ZNF655: variants seen among roughly 807,000 people sequenced by gnomAD.
ZNF655 encodes the protein Vav-interacting Kruppel-like protein 1.
Under a neutral mutation model 6.6 loss-of-function variants are expected in ZNF655, and 3 were observed. The observed-to-expected ratio is 0.46, with a 90% CI of 0.21 to 1.18. ZNF655 has a LOEUF of 1.18. ZNF655 is among the 50% of genes most tolerant of loss of function. The probability of loss-of-function intolerance (pLI) is 0.24; values close to 1 mark genes in which losing one functional copy is unlikely to be tolerated. For synonymous variants in ZNF655, 178 were observed against 195.0 expected, an observed-to-expected ratio of 0.91 and a Z score of 0.73; for missense variants, 526 against 572.3, an observed-to-expected ratio of 0.92 and a Z score of 0.83.
intron 2 of ZNF655, among the ~76,000 whole-genome samples, chr7:99,562,928 T>C (rs1167722917): frequency 6.6e-6 from 1 of 152,202 alleles, no homozygotes; most frequent in African/African-American, 2.4e-5. Flanking sequence ...GAAAAAGAAA[T>C]GCCGTTTATT....
chr7:99,571,594 C>T (rs139890187), intron 2 of ZNF655: 2 of 1,082,884 alleles, frequency 1.8e-6, no homozygotes, highest in East Asian at 5.5e-5. Context: ...CAGAATCGAC[C>T]TTCTGTCTCT....
At chr7:99,567,909 A>G (rs1183425499) in intron 2 of ZNF655, among the ~76,000 whole-genome samples, 6 of 151,792 alleles carry the variant, frequency 4.0e-5, no homozygotes, top group African/African-American at 1.2e-4. Context: ...AAATACAAAA[A>G]TTAGCTGGGC....
At position 99,573,370 on chromosome 7, in the gene ZNF655, C is replaced by T. The variant is rs141925358; in HGVS notation, c.1262C>T (p.Ser421Leu). The T allele has an allele frequency of 1.9e-6, 3 of 1,614,162 alleles. No homozygotes were observed. The highest frequency in any genetic ancestry group is 1.6e-4 in the Middle Eastern group (1 of 6,062). ...TGTGGAAAAGCTTTCAGTCAAACCT[C>T]ATGCCTTATTCAGCATCACAAAATG... ...NECGKAFSQT[S>L]CLIQHHKMHR... The change falls in exon 3 of 3, where the codon TCA becomes TTA. Residue 421 changes from serine to leucine, a missense_variant. Coordinates refer to ENST00000252713, the MANE Select transcript of ZNF655 (RefSeq NM_138494.3).
chr7:99,572,702 C>T lies in ZNF655; in HGVS notation c.594C>T (p.His198=), dbSNP rs1233965760. ...AGGAAAGCTTAATGGATCTCTCCCA[C>T]CTTAATAAATGGGAGAGCATCCCTA... The part of the protein sequence containing the change: ...ECKESLMDLS[H]LNKWESIPNT... The change falls in exon 3 of 3, where the codon CAC becomes CAT. Residue 198 remains histidine, a synonymous_variant. Coordinates refer to ENST00000252713, the MANE Select transcript of ZNF655 (RefSeq NM_138494.3). 12 of 1,613,372 alleles carry T rather than the reference C, an allele frequency of 7.4e-6. No individual in the cohort carries two copies. The highest frequency in any genetic ancestry group is 2.2e-5 in the East Asian group (1 of 44,864).
In ZNF655 at chr7:99,573,911, T is replaced by C. The variant is rs1357138315; in HGVS notation, c.*327T>C. 1 of 260,360 alleles carries C rather than the reference T, an allele frequency of 3.8e-6. No individual in the cohort carries two copies. Among genetic ancestry groups the C allele is most frequent in the East Asian group, 7.9e-5 (1 of 12,634 alleles). The allele number at this position is 260,360 out of a possible 1,614,324, so 16.1% of individuals were successfully genotyped here. Reference sequence around the variant, plus strand: ...TTGGAGAATTCACATGGGAATAAAATTCCATTGCTGCAATGAATGTGAAAA... The same window carrying C: ...TTGGAGAATTCACATGGGAATAAAACTCCATTGCTGCAATGAATGTGAAAA... On this transcript the variant is annotated 3_prime_UTR_variant, in exon 3 of 3. Transcript: ENST00000252713.
Position 99,563,783 on chromosome 7 carries a change from T to G in ZNF655, c.136+3088T>G, listed in dbSNP as rs916268099. The G allele has an allele frequency of 1.3e-5, 20 of 1,532,022 alleles. No homozygotes were observed. In the South Asian group the frequency reaches 1.8e-4, roughly 14 times the overall value. The allele number at this position is 1,532,022 out of a possible 1,614,324, so 94.9% of individuals were successfully genotyped here. On this transcript the variant is annotated intron_variant, in intron 2 of 2. Transcript: ENST00000252713. ...CTGATTATGCTCAGGATTCAAGGTC[T>G]TCTTATTTGTGGGGAGGCAGGCTGC...
At position 99,573,370 on chromosome 7, in the gene ZNF655, C is replaced by G; in HGVS notation, c.1262C>G (p.Ser421Ter). 1 of 1,614,162 alleles carries G rather than the reference C, an allele frequency of 6.2e-7. No homozygotes were observed. Residue 421 changes from serine to a stop codon, truncating the protein, a stop_gained, in exon 3 of 3, where the codon TCA (serine) becomes TGA (stop). Transcript: ENST00000252713. LOFTEE classifies it low-confidence loss of function (END_TRUNC). ...TGTGGAAAAGCTTTCAGTCAAACCT[C>G]ATGCCTTATTCAGCATCACAAAATG... ...NECGKAFSQT[S>*]CLIQHHKMHR...
At chr7:99,563,968 T>G in intron 2 of ZNF655, 1 of 1,614,056 alleles carries the variant, frequency 6.2e-7, no homozygotes, top group Non-Finnish European at 8.5e-7. Context: ...CTTGCCGTCC[T>G]TACAGCAGGA....
intron 2 of ZNF655, chr7:99,561,917 C>G: frequency 6.3e-7 from 1 of 1,594,346 alleles, no homozygotes; most frequent in Non-Finnish European, 8.5e-7. Flanking sequence ...GCCTGCTCTT[C>G]CCCGTGAGGG....
chr7:99,571,193 A>G (rs1804042278), intron 2 of ZNF655: 1 of 1,266,222 alleles, frequency 7.9e-7, no homozygotes, highest in South Asian at 1.3e-5. Context: ...TGTGTACTGA[A>G]ACAAATTGTT....
rs775967882 is a variant in ZNF655, at chr7:99,573,582, T to C, written c.1474T>C (p.Ter492ArgextTer2). 1.4e-5 allele frequency: 22 copies of C among 1,594,610 alleles called. 1 individual carries two copies. The highest frequency in any genetic ancestry group is 4.4e-5 in the South Asian group (4 of 89,980). Residue 492 changes from the stop codon to arginine (R), a stop_lost, in exon 3 of 3, where the codon TGA becomes CGA. Transcript: ENST00000252713. The part of the protein sequence containing the change: ...HQSIHTKENS[*>R] ...GAGCATTCATACCAAAGAGAACTCA[T>C]GAATGTAATGAAGATGGGAAGATAT...
intron 2 of ZNF655, among the ~76,000 whole-genome samples, chr7:99,566,041 G>A (rs114885926): frequency 0.021 from 3,215 of 149,962 alleles, 52 homozygotes; most frequent in Middle Eastern, 0.031. Flanking sequence ...GTGTGTGTGT[G>A]TATATATATA....
chr7:99,576,216 T>G lies in ZNF655; in HGVS notation c.*2632T>G, dbSNP rs1267032522. On this transcript the variant is annotated 3_prime_UTR_variant, in exon 3 of 3. Transcript: ENST00000252713. ...CATCAAGGCAAGGTAGGAATCTAAA[T>G]GAAATTGATATATAAATGAATTGAT... 1 of 152,638 alleles carries G rather than the reference T, an allele frequency of 6.6e-6. No individual in the cohort carries two copies. Among genetic ancestry groups the G allele is most frequent in the East Asian group, 1.9e-4 (1 of 5,202 alleles). The allele number at this position is 152,638 out of a possible 1,614,324, so 9.5% of individuals were successfully genotyped here.
At chr7:99,567,322 T>G (rs929815540) in intron 2 of ZNF655, among the ~76,000 whole-genome samples, 4 of 151,910 alleles carry the variant, frequency 2.6e-5, no homozygotes, top group African/African-American at 9.7e-5. Flanking sequence ...TCACCTGAGG[T>G]TGGGAGTTCG....
chr7:99,571,524 T>A, intron 2 of ZNF655: 1 of 1,074,166 alleles, frequency 9.3e-7, no homozygotes, highest in Non-Finnish European at 1.3e-6. Context: ...AGCACAAATC[T>A]GAGCTCCTTG....
Position 99,575,546 on chromosome 7 carries a change from CAAAAA to C in ZNF655, c.*1965_*1969del, listed in dbSNP as rs1048704054. 1 of 149,300 alleles carries C rather than the reference CAAAAA, an allele frequency of 6.7e-6. No individual in the cohort carries two copies. The allele number at this position is 149,300 out of a possible 1,614,324, so 9.2% of individuals were successfully genotyped here. ...AGCAGGACTCTCTCTCAAAAAAACACAAAAAAACAAAAACAAAAAACCATACACAC... is the reference window on the plus strand; with the variant it reads ...AGCAGGACTCTCTCTCAAAAAAACACAACAAAAACAAAAAACCATACACAC... On this transcript the variant is annotated 3_prime_UTR_variant, in exon 3 of 3. Transcript: ENST00000252713.
chr7:99,571,083 C>T (rs1804028387), intron 2 of ZNF655: 1 of 430,552 alleles, frequency 2.3e-6, no homozygotes, highest in South Asian at 2.2e-5. Flanking sequence ...CTCTTATCCC[C>T]TGCATACTTT....
At chr7:99,561,810 T>G in intron 2 of ZNF655, 2 of 903,310 alleles carry the variant, frequency 2.2e-6, no homozygotes, top group Non-Finnish European at 3.1e-6. Flanking sequence ...TGACACCCCT[T>G]GGGCTGGAGA....
chr7:99,565,900 C>T (rs1803581842), intron 2 of ZNF655, among the ~76,000 whole-genome samples: 1 of 152,050 alleles, frequency 6.6e-6, no homozygotes, highest in Non-Finnish European at 1.5e-5. Context: ...AGAATGTTTT[C>T]CATTGTCACA....
Sources: gnomAD v4.1 joint callset for allele counts (sites outside exome capture counted in the v4.1 genomes callset) on GRCh38, gnomAD v4.1.1 for gene constraint, MANE v1.5 for transcripts, NCBI Gene and HGNC (gene_info 2026-07-23, HGNC 2026-07-21) for gene names.